Variants in ZNF385D observed in about 807,000 individuals in gnomAD.
ZNF385D encodes zinc finger protein 659.
A neutral mutation model predicts 35.8 loss-of-function variants in ZNF385D; 15 were observed. The ratio of observed to expected loss-of-function variants is 0.42; its 90% CI spans 0.28 to 0.64. ZNF385D has a LOEUF of 0.64. Ranked by LOEUF, ZNF385D falls within the 30% of genes least tolerant of loss-of-function variation. The pLI is 0.23. For missense variants in ZNF385D, 474 were observed against 494.6 expected, an observed-to-expected ratio of 0.96 and a Z score of 0.39; for synonymous variants, 212 against 186.8, an observed-to-expected ratio of 1.13 and a Z score of -1.10.
At chr3:21,461,228 T>C (rs1186176623) in intron 4 of ZNF385D, among the ~76,000 whole-genome samples, 5 of 152,166 alleles carry the variant, frequency 3.3e-5, no homozygotes, top group African/African-American at 1.2e-4. Flanking sequence ...AGTCTTCACA[T>C]TTAGAATATT....
chr3:21,898,273 C>G (rs573012651), intron 3 of ZNF385D, among the ~76,000 whole-genome samples: 1 of 152,212 alleles, frequency 6.6e-6, no homozygotes, highest in South Asian at 2.1e-4. Flanking sequence ...GGCACATATT[C>G]GCTAATAAAA....
intron 3 of ZNF385D, among the ~76,000 whole-genome samples, chr3:21,888,274 T>C (rs1489130101): frequency 6.6e-6 from 1 of 152,054 alleles, no homozygotes; most frequent in East Asian, 1.9e-4. Context: ...GATTTGCAAA[T>C]GATTAGAAAA....
intron 2 of ZNF385D, among the ~76,000 whole-genome samples, chr3:21,585,528 A>G (rs2063784397): frequency 6.6e-6 from 1 of 152,204 alleles, no homozygotes; most frequent in South Asian, 2.1e-4. Context: ...ACATAAAGAA[A>G]GGCAATCACA....
At chr3:21,535,817 G>T (rs1251670983) in intron 3 of ZNF385D, among the ~76,000 whole-genome samples, 1 of 151,948 alleles carries the variant, frequency 6.6e-6, no homozygotes, top group Non-Finnish European at 1.5e-5. Flanking sequence ...AAACAAAAAG[G>T]TATGTCTAGC....
intron 3 of ZNF385D, among the ~76,000 whole-genome samples, chr3:21,901,331 A>G (rs1559737236): frequency 6.6e-6 from 1 of 152,154 alleles, no homozygotes. Context: ...TTGAATCTTC[A>G]TCATCATATT....
intron 3 of ZNF385D, among the ~76,000 whole-genome samples, chr3:21,921,586 AT>A (rs1354170927): frequency 6.6e-6 from 1 of 152,160 alleles, no homozygotes; most frequent in East Asian, 1.9e-4. Flanking sequence ...AGGATTTTTT[AT>A]TTACCAGGAT....
At chr3:22,339,401 T>C (rs1378466729) in intron 2 of ZNF385D, among the ~76,000 whole-genome samples, 1 of 152,214 alleles carries the variant, frequency 6.6e-6, no homozygotes, top group Non-Finnish European at 1.5e-5. Flanking sequence ...TCAAATACTA[T>C]GTGCCATATA....
intron 3 of ZNF385D, among the ~76,000 whole-genome samples, chr3:21,949,061 T>G (rs1005375830): frequency 6.6e-6 from 1 of 152,228 alleles, no homozygotes; most frequent in Non-Finnish European, 1.5e-5. Context: ...TTAACTTACA[T>G]GTATTTAGTT....
At chr3:21,913,087 G>A (rs905334867) in intron 3 of ZNF385D, among the ~76,000 whole-genome samples, 2 of 152,080 alleles carry the variant, frequency 1.3e-5, no homozygotes, top group Middle Eastern at 3.2e-3. Flanking sequence ...ATTCTGAAGA[G>A]TGATTTACCA....
At chr3:21,609,100 C>T (rs1467527030) in intron 2 of ZNF385D, among the ~76,000 whole-genome samples, 1 of 152,106 alleles carries the variant, frequency 6.6e-6, no homozygotes, top group African/African-American at 2.4e-5. Flanking sequence ...TAGAATTGTG[C>T]TAAATAACTT....
At chr3:22,202,115 ATTT>A (rs940977331) in intron 2 of ZNF385D, among the ~76,000 whole-genome samples, 2 of 152,136 alleles carry the variant, frequency 1.3e-5, no homozygotes, top group African/African-American at 4.8e-5. Flanking sequence ...CTTTAGTTCA[ATTT>A]TTTAATTTTA....
chr3:22,325,114 A>G (rs1260656845), intron 2 of ZNF385D, among the ~76,000 whole-genome samples: 1 of 152,238 alleles, frequency 6.6e-6, no homozygotes, highest in South Asian at 2.1e-4. Context: ...GTAATTATGT[A>G]TATTACCACA....
intron 3 of ZNF385D, among the ~76,000 whole-genome samples, chr3:22,109,061 C>A (rs912347734): frequency 6.6e-6 from 1 of 152,046 alleles, no homozygotes; most frequent in East Asian, 1.9e-4. Flanking sequence ...AGACGAACGA[C>A]GCAATACATA....
At chr3:22,132,945 C>G (rs1385097496) in intron 3 of ZNF385D, among the ~76,000 whole-genome samples, 2 of 152,062 alleles carry the variant, frequency 1.3e-5, no homozygotes, top group Non-Finnish European at 2.9e-5. Flanking sequence ...TCAAAAGATT[C>G]AGACTGTGTA....
At chr3:22,241,086 A>C (rs945375319) in intron 2 of ZNF385D, among the ~76,000 whole-genome samples, 15 of 151,288 alleles carry the variant, frequency 9.9e-5, no homozygotes, top group Admixed American at 9.2e-4. Context: ...CCAAAGTAGC[A>C]GATATTCAGT....
At chr3:22,132,913 G>A (rs985883836) in intron 3 of ZNF385D, among the ~76,000 whole-genome samples, 14 of 151,824 alleles carry the variant, frequency 9.2e-5, no homozygotes, top group African/African-American at 2.2e-4. Context: ...CTGAGTATTC[G>A]GTTAACTTAT....
chr3:21,693,494 TACAATC>T (rs1257045628), intron 1 of ZNF385D, among the ~76,000 whole-genome samples: 18 of 152,282 alleles, frequency 1.2e-4, no homozygotes, highest in Admixed American at 5.2e-4. Flanking sequence ...AAAGGAAACT[TACAATC>T]AGAACACCAA....
chr3:21,533,358 T>C (rs932998065), intron 3 of ZNF385D, among the ~76,000 whole-genome samples: 1 of 152,130 alleles, frequency 6.6e-6, no homozygotes, highest in African/African-American at 2.4e-5. Context: ...TTTATTTTTA[T>C]TTTTATTTTT....
In ZNF385D at chr3:21,421,394, T is replaced by C. The variant is rs762734111; in HGVS notation, c.1008A>G (p.Leu336=). Reference sequence around the variant, plus strand: ...CTGCTGCAGCTGCTAGAGGATTTGGTAGAATTCGTGGAGCCAATGGCTTTG... The same window carrying C: ...CTGCTGCAGCTGCTAGAGGATTTGGCAGAATTCGTGGAGCCAATGGCTTTG... ...EPSKPLAPRI[L]PNPLAAAAAA... The change falls in exon 8 of 8, where the codon CTA becomes CTG. Residue 336 remains leucine, a synonymous_variant. Transcript: ENST00000281523. 5 of 1,613,586 alleles carry C rather than the reference T, an allele frequency of 3.1e-6. No individual in the cohort carries two copies. Among genetic ancestry groups the C allele is most frequent in the Admixed American group, 1.7e-5 (1 of 59,974 alleles).
Sources: allele counts gnomAD v4.1 joint callset (sites outside exome capture counted in the v4.1 genomes callset), GRCh38; gene constraint gnomAD v4.1.1; transcripts MANE v1.5; gene names NCBI Gene and HGNC (gene_info 2026-07-23, HGNC 2026-07-21).